Variants in ADCY2 observed in about 807,000 individuals in gnomAD.
ADCY2 encodes the protein adenylate cyclase type 2.
A neutral mutation model predicts 125.2 loss-of-function variants in ADCY2; 31 were observed. The observed-to-expected ratio is 0.25, with a 90% confidence interval of 0.19 to 0.33. The LOEUF (loss-of-function observed/expected upper bound fraction) is 0.33. Ranked by LOEUF, ADCY2 falls within the 10% of genes least tolerant of loss-of-function variation. The probability of loss-of-function intolerance (pLI) is 1.00; values close to 1 mark genes in which losing one functional copy is unlikely to be tolerated. For missense variants in ADCY2, 904 were observed against 1,418.2 expected (o/e 0.64, Z 5.82); for synonymous variants, 512 against 548.4 (o/e 0.93, Z 0.93).
intron 2 of ADCY2, among the ~76,000 whole-genome samples, chr5:7,430,024 G>C (rs1323591710): frequency 1.3e-5 from 2 of 151,900 alleles, no homozygotes; most frequent in Non-Finnish European, 2.9e-5. Flanking sequence ...ATATGAAAGG[G>C]GTTATTGTTA....
chr5:7,639,948 G>A (rs1020416870), intron 4 of ADCY2, among the ~76,000 whole-genome samples: 1 of 152,026 alleles, frequency 6.6e-6, no homozygotes, highest in African/African-American at 2.4e-5. Flanking sequence ...GTGTAGACAT[G>A]GAATTTTTTT....
chr5:7,521,158 A>G (rs1015822514), intron 3 of ADCY2, among the ~76,000 whole-genome samples: 1 of 152,176 alleles, frequency 6.6e-6, no homozygotes, highest in Non-Finnish European at 1.5e-5. Flanking sequence ...CTATTTTGTG[A>G]TTGCTGAATG....
chr5:7,648,474 C>T lies in ADCY2; in HGVS notation c.720+22158C>T, dbSNP rs761879760. ...GTTCTACCATTAATATTATCAGTTG[C>T]GGTCCAAGAACCTCACTATTCTTCA... On this transcript the variant is annotated intron_variant, in intron 4 of 24. Transcript: ENST00000338316. 7.2e-5 allele frequency among the ~76,000 whole-genome samples: 11 copies of T among 152,094 alleles called. No individual in the cohort carries two copies. The South Asian group carries it at 8.3e-4, about 11-fold the overall frequency.
intron 2 of ADCY2, among the ~76,000 whole-genome samples, chr5:7,491,609 T>C (rs934209119): frequency 3.3e-5 from 5 of 152,186 alleles, no homozygotes; most frequent in Non-Finnish European, 7.4e-5. Flanking sequence ...GAAAAACAGT[T>C]TATATAATTT....
chr5:7,397,473 T>C (rs927620718), intron 1 of ADCY2, among the ~76,000 whole-genome samples: 21 of 148,086 alleles, frequency 1.4e-4, no homozygotes, highest in South Asian at 6.5e-4. Flanking sequence ...TTTTTTTTTT[T>C]AGTCAGTGGT....
At chr5:7,727,687 G>T (rs145450584) in intron 14 of ADCY2, among the ~76,000 whole-genome samples, 1 of 151,924 alleles carries the variant, frequency 6.6e-6, no homozygotes, top group Non-Finnish European at 1.5e-5. Flanking sequence ...CATCCATTTT[G>T]TCCAAGTTCT....
chr5:7,664,046 T>C (rs898345558), intron 4 of ADCY2, among the ~76,000 whole-genome samples: 2 of 152,226 alleles, frequency 1.3e-5, no homozygotes, highest in Non-Finnish European at 2.9e-5. Context: ...AGCTGGAAGC[T>C]TCCAGGTTTA....
intron 4 of ADCY2, among the ~76,000 whole-genome samples, chr5:7,630,841 C>T (rs1024701994): frequency 1.4e-5 from 2 of 147,720 alleles, no homozygotes; most frequent in Non-Finnish European, 3.0e-5. Context: ...GGCTGGAGTG[C>T]AGTGTCATGA....
chr5:7,769,707 T>G (rs112942231), intron 17 of ADCY2, among the ~76,000 whole-genome samples: 1,799 of 152,308 alleles, frequency 0.012, 41 homozygotes, highest in African/African-American at 0.041. Context: ...CATTACATCA[T>G]TTCATCCAAA....
At chr5:7,454,889 C>A (rs1741611996) in intron 2 of ADCY2, among the ~76,000 whole-genome samples, 2 of 152,028 alleles carry the variant, frequency 1.3e-5, no homozygotes, top group African/African-American at 2.4e-5. Flanking sequence ...TTAGGTTATT[C>A]CAGATATTCT....
At chr5:7,606,874 C>G (rs537810664) in intron 3 of ADCY2, among the ~76,000 whole-genome samples, 6 of 152,262 alleles carry the variant, frequency 3.9e-5, no homozygotes, top group African/African-American at 1.4e-4. Context: ...ACAGGAAAAT[C>G]TATCCTCCCA....
chr5:7,460,856 T>C (rs1296252693), intron 2 of ADCY2, among the ~76,000 whole-genome samples: 1 of 152,160 alleles, frequency 6.6e-6, no homozygotes, highest in African/African-American at 2.4e-5. Context: ...TGGCCTGGAA[T>C]AGGGATGGAC....
chr5:7,633,511 T>C (rs1213128857), intron 4 of ADCY2, among the ~76,000 whole-genome samples: 1 of 152,100 alleles, frequency 6.6e-6, no homozygotes, highest in Admixed American at 6.6e-5. Context: ...TTATAGCAAT[T>C]AATTAAGCAG....
At chr5:7,576,107 C>T (rs1343694526) in intron 3 of ADCY2, among the ~76,000 whole-genome samples, 1 of 152,184 alleles carries the variant, frequency 6.6e-6, no homozygotes, top group Non-Finnish European at 1.5e-5. Flanking sequence ...TGTGTTTGGG[C>T]ATCCTCTGCC....
intron 4 of ADCY2, among the ~76,000 whole-genome samples, chr5:7,677,416 G>T (rs985645933): frequency 6.6e-6 from 1 of 152,162 alleles, no homozygotes; most frequent in Non-Finnish European, 1.5e-5. Context: ...TCCTCTCCAC[G>T]ATTGAATCTG....
chr5:7,479,316 G>A (rs983466669), intron 2 of ADCY2, among the ~76,000 whole-genome samples: 4 of 152,002 alleles, frequency 2.6e-5, no homozygotes, highest in Non-Finnish European at 4.4e-5. Context: ...GGATCATAAC[G>A]TTATTTACTC....
intron 3 of ADCY2, among the ~76,000 whole-genome samples, chr5:7,546,342 C>T (rs1451221858): frequency 6.6e-6 from 1 of 152,208 alleles, no homozygotes; most frequent in African/African-American, 2.4e-5. Flanking sequence ...TTATTCAGGG[C>T]TTCCTATCTG....
intron 15 of ADCY2, among the ~76,000 whole-genome samples, chr5:7,756,006 T>A (rs1395855710): frequency 6.6e-6 from 1 of 152,268 alleles, no homozygotes; most frequent in East Asian, 1.9e-4. Flanking sequence ...ATGTTATTCC[T>A]TCTTCTGAAT....
chr5:7,498,336 C>T (rs921257647), intron 2 of ADCY2, among the ~76,000 whole-genome samples: 3 of 149,246 alleles, frequency 2.0e-5, no homozygotes, highest in Admixed American at 1.3e-4. Flanking sequence ...GCAAACTCCA[C>T]CTCCCAGGTT....
Sources: gnomAD v4.1 joint callset for allele counts (sites outside exome capture counted in the v4.1 genomes callset) on GRCh38, gnomAD v4.1.1 for gene constraint, MANE v1.5 for transcripts, NCBI Gene and HGNC (gene_info 2026-07-23, HGNC 2026-07-21) for gene names.